The following PRR16 variants were observed in gnomAD, a reference collection of about 807,000 sequenced individuals.
The protein encoded by PRR16 is protein Largen.
A neutral mutation model predicts 18.2 loss-of-function variants in PRR16; 6 were observed. The ratio of observed to expected loss-of-function variants is 0.33; its 90% CI spans 0.18 to 0.65. The LOEUF is 0.65. PRR16 is among the 30% of genes least tolerant of loss of function. The probability of loss-of-function intolerance (pLI) is 0.74; values close to 1 mark genes in which losing one functional copy is unlikely to be tolerated. For synonymous variants in PRR16, 151 were observed against 147.8 expected (o/e 1.02, Z -0.16); for missense variants, 412 against 376.6 (o/e 1.09, Z -0.78).
chr5:120,469,474 C>T (rs942700532), intron 1 of PRR16, among the ~76,000 whole-genome samples: 11 of 151,638 alleles, frequency 7.3e-5, no homozygotes, highest in East Asian at 1.9e-4. Context: ...AGGCATGCGC[C>T]GCCATGCCTG....
intron 1 of PRR16, among the ~76,000 whole-genome samples, chr5:120,648,751 C>T (rs1220188094): frequency 1.3e-5 from 2 of 151,992 alleles, no homozygotes; most frequent in Admixed American, 6.6e-5. Flanking sequence ...GTTTTACAAC[C>T]GGCTTTTTGA....
chr5:120,615,371 TTTTC>T (rs890081139), intron 1 of PRR16, among the ~76,000 whole-genome samples: 7 of 147,970 alleles, frequency 4.7e-5, no homozygotes, highest in African/African-American at 9.9e-5. Flanking sequence ...ATGGATTTCT[TTTTC>T]TTTCTTTTCT....
chr5:120,646,315 A>T (rs1366608082), intron 1 of PRR16, among the ~76,000 whole-genome samples: 1 of 151,880 alleles, frequency 6.6e-6, no homozygotes, highest in Non-Finnish European at 1.5e-5. Flanking sequence ...TTTCATAAGG[A>T]CAGGAATAGT....
the PRR16 span, among the ~76,000 whole-genome samples, chr5:120,737,446 A>G: frequency 6.9e-6 from 1 of 144,570 alleles, no homozygotes; most frequent in African/African-American, 2.6e-5. Flanking sequence ...ATTGATTTTT[A>G]TATGGTGAGC....
At chr5:120,500,796 A>G (rs1028882086) in intron 1 of PRR16, among the ~76,000 whole-genome samples, 1 of 152,236 alleles carries the variant, frequency 6.6e-6, no homozygotes, top group Non-Finnish European at 1.5e-5. Context: ...TGTTATTAAA[A>G]TAACACATTG....
intron 1 of PRR16, among the ~76,000 whole-genome samples, chr5:120,648,759 T>G (rs745333457): frequency 6.6e-5 from 10 of 152,124 alleles, no homozygotes; most frequent in Non-Finnish European, 1.2e-4. Context: ...ACCGGCTTTT[T>G]GAGGTGGGAA....
At chr5:120,465,506 G>C (rs1388638811) in intron 1 of PRR16, 1 of 152,444 alleles carries the variant, frequency 6.6e-6, no homozygotes, top group East Asian at 1.9e-4. Context: ...CCCGCCCCTA[G>C]CCCCAGGTGA....
intron 1 of PRR16, among the ~76,000 whole-genome samples, chr5:120,614,218 A>G (rs1490207113): frequency 6.6e-6 from 1 of 152,230 alleles, no homozygotes; most frequent in Non-Finnish European, 1.5e-5. Context: ...AGTTGAGTGT[A>G]AAACCTATCA....
chr5:120,613,415 T>A, intron 1 of PRR16, among the ~76,000 whole-genome samples: 1 of 152,054 alleles, frequency 6.6e-6, no homozygotes, highest in Non-Finnish European at 1.5e-5. Context: ...TATGTATTAT[T>A]ATAGAAAGTC....
chr5:120,757,339 C>A, the PRR16 span, among the ~76,000 whole-genome samples: 3 of 151,910 alleles, frequency 2.0e-5, no homozygotes, highest in African/African-American at 7.3e-5. Context: ...GATAGTTTTT[C>A]TAGTTCTGTG....
At chr5:120,753,822 T>G in the PRR16 span, among the ~76,000 whole-genome samples, 1 of 138,452 alleles carries the variant, frequency 7.2e-6, no homozygotes. Context: ...TATTATATAT[T>G]TATATATAAT....
At chr5:120,751,175 TATTC>T in the PRR16 span, among the ~76,000 whole-genome samples, 1 of 152,174 alleles carries the variant, frequency 6.6e-6, no homozygotes, top group South Asian at 2.1e-4. Flanking sequence ...CACTTTTCCG[TATTC>T]ATTCATTGAT....
At chr5:120,768,915 C>T in the PRR16 span, among the ~76,000 whole-genome samples, 16 of 151,620 alleles carry the variant, frequency 1.1e-4, no homozygotes, top group African/African-American at 3.9e-4. Context: ...AAAACGATGT[C>T]ATTCATTATC....
At chr5:120,513,596 C>A (rs1321056110) in intron 1 of PRR16, among the ~76,000 whole-genome samples, 3 of 152,094 alleles carry the variant, frequency 2.0e-5, no homozygotes, top group African/African-American at 7.2e-5. Flanking sequence ...CGTTACCCAC[C>A]TTTCCCCCTA....
At chr5:120,793,124 C>T in the PRR16 span, among the ~76,000 whole-genome samples, 4 of 152,128 alleles carry the variant, frequency 2.6e-5, no homozygotes, top group African/African-American at 9.7e-5. Flanking sequence ...TGCACTCCAG[C>T]CCAGATGACA....
chr5:120,724,555 CTG>C, the PRR16 span, among the ~76,000 whole-genome samples: 2 of 152,056 alleles, frequency 1.3e-5, no homozygotes, highest in African/African-American at 4.8e-5. Context: ...TTTTCAGAGA[CTG>C]ATTAAATCAC....
chr5:120,607,742 G>A (rs1754200594), intron 1 of PRR16, among the ~76,000 whole-genome samples: 2 of 152,050 alleles, frequency 1.3e-5, no homozygotes, highest in Admixed American at 1.3e-4. Flanking sequence ...TTGTGGTGGT[G>A]GTGCTTTTGT....
intron 1 of PRR16, among the ~76,000 whole-genome samples, chr5:120,684,086 T>C (rs541486833): frequency 1.3e-5 from 2 of 152,298 alleles, no homozygotes; most frequent in Admixed American, 1.3e-4. Context: ...GGAGCTAAAA[T>C]AGAAGGACTT....
At chr5:120,734,688 T>C in the PRR16 span, among the ~76,000 whole-genome samples, 5 of 152,326 alleles carry the variant, frequency 3.3e-5, no homozygotes, top group East Asian at 1.9e-4. Flanking sequence ...TTGCAGCACC[T>C]AGCATATTTC....
Sources: allele counts gnomAD v4.1 joint callset (sites outside exome capture counted in the v4.1 genomes callset), GRCh38; gene constraint gnomAD v4.1.1; transcripts MANE v1.5; gene names NCBI Gene and HGNC (gene_info 2026-07-23, HGNC 2026-07-21).